The following RAB38 variants were observed in gnomAD, a reference collection of about 807,000 sequenced individuals.
RAB38 encodes the protein RAB38, member RAS oncogene family, also known as ras-related protein Rab-38.
A neutral mutation model predicts 18.4 loss-of-function variants in RAB38; 15 were observed. That is an observed-to-expected ratio of 0.82 (90% CI 0.55 to 1.26). The LOEUF is 1.26. Among genes scored for constraint, RAB38 ranks in the 50% most tolerant of loss-of-function variants. RAB38 has a pLI of 0.00. For missense variants in RAB38, 294 were observed against 267.4 expected, an observed-to-expected ratio of 1.10 and a Z score of -0.69; for synonymous variants, 101 against 104.4, an observed-to-expected ratio of 0.97 and a Z score of 0.20.
At chr11:88,012,664 C>G in the RAB38 span, among the ~76,000 whole-genome samples, 1 of 151,982 alleles carries the variant, frequency 6.6e-6, no homozygotes, top group Non-Finnish European at 1.5e-5. Flanking sequence ...CAAATTACAA[C>G]CAACCAGGTA....
the RAB38 span, among the ~76,000 whole-genome samples, chr11:88,008,813 A>G: frequency 2.0e-5 from 3 of 152,222 alleles, no homozygotes; most frequent in African/African-American, 7.2e-5. Context: ...AGCTGGGACT[A>G]CAGGCACCTG....
the RAB38 span, among the ~76,000 whole-genome samples, chr11:87,852,947 A>T: frequency 7.1e-6 from 1 of 141,210 alleles, no homozygotes; most frequent in Non-Finnish European, 1.5e-5. Context: ...CTTAACATCT[A>T]TCTTGCATAT....
intron 2 of RAB38, among the ~76,000 whole-genome samples, chr11:88,122,097 T>A (rs896132319): frequency 6.6e-6 from 1 of 152,204 alleles, no homozygotes; most frequent in Non-Finnish European, 1.5e-5. Flanking sequence ...CTGAAAATAA[T>A]CTGAGTTCAA....
At chr11:88,158,293 C>T (rs1269951575) in intron 1 of RAB38, among the ~76,000 whole-genome samples, 2 of 151,954 alleles carry the variant, frequency 1.3e-5, no homozygotes, top group Non-Finnish European at 2.9e-5. Flanking sequence ...AATAAAGAAA[C>T]CTACCAACCA....
chr11:87,860,816 C>T, the RAB38 span, among the ~76,000 whole-genome samples: 1 of 151,728 alleles, frequency 6.6e-6, no homozygotes, highest in African/African-American at 2.4e-5. Context: ...CAAGTCAGAG[C>T]TGTTTCCATA....
chr11:88,039,466 C>G, the RAB38 span, among the ~76,000 whole-genome samples: 4 of 151,902 alleles, frequency 2.6e-5, no homozygotes, highest in African/African-American at 9.7e-5. Flanking sequence ...CACCTAATAC[C>G]CTGGATAAGC....
the RAB38 span, among the ~76,000 whole-genome samples, chr11:88,003,526 G>A: frequency 0.4 from 271 of 670 alleles, 86 homozygotes; most frequent in Non-Finnish European, 0.46. Flanking sequence ...ATTATATATT[G>A]TATAATAGAT....
the RAB38 span, among the ~76,000 whole-genome samples, chr11:87,883,819 A>G: frequency 6.6e-6 from 1 of 151,962 alleles, no homozygotes; most frequent in Admixed American, 6.6e-5. Context: ...AGACGCTGAG[A>G]AAGTCAAGAG....
At chr11:88,063,666 TG>T in the RAB38 span, among the ~76,000 whole-genome samples, 1 of 152,158 alleles carries the variant, frequency 6.6e-6, no homozygotes, top group East Asian at 1.9e-4. Flanking sequence ...AATTGAATCA[TG>T]GGGGCGGTTT....
At chr11:88,019,871 T>C in the RAB38 span, among the ~76,000 whole-genome samples, 1 of 152,334 alleles carries the variant, frequency 6.6e-6, no homozygotes, top group East Asian at 1.9e-4. Flanking sequence ...GTCCTAGAAT[T>C]ATCCATATGA....
the RAB38 span, among the ~76,000 whole-genome samples, chr11:87,888,053 A>G: frequency 1.3e-5 from 2 of 151,724 alleles, no homozygotes; most frequent in East Asian, 3.9e-4. Flanking sequence ...TGTTCTGTAT[A>G]TTTTAGTGGT....
the RAB38 span, among the ~76,000 whole-genome samples, chr11:88,064,346 A>G: frequency 2.0e-5 from 3 of 152,242 alleles, no homozygotes; most frequent in Non-Finnish European, 4.4e-5. Context: ...AGTTGAAACC[A>G]TATTTCTGGC....
chr11:88,139,423 C>A lies in RAB38; in HGVS notation c.483+10252G>T, dbSNP rs151144357. ...GCTTTTTCTTCAGCTGCTCTCACTG[C>A]TCTTGTAAAAGCCATCAAATTATCT... On this transcript the variant is annotated intron_variant, in intron 2 of 2. Coordinates refer to ENST00000243662, the MANE Select transcript of RAB38 (RefSeq NM_022337.3). 3.8e-3 allele frequency among the ~76,000 whole-genome samples: 574 copies of A among 152,278 alleles called. 7 individuals carry two copies. The highest frequency in any genetic ancestry group is 0.013 in the African/African-American group (532 of 41,554).
At chr11:88,055,895 G>A in the RAB38 span, among the ~76,000 whole-genome samples, 2 of 152,138 alleles carry the variant, frequency 1.3e-5, no homozygotes, top group Non-Finnish European at 2.9e-5. Flanking sequence ...AGGAGGCCCT[G>A]GTGATCTAAT....
the RAB38 span, among the ~76,000 whole-genome samples, chr11:87,904,069 C>T: frequency 5.6e-4 from 84 of 151,338 alleles, no homozygotes; most frequent in African/African-American, 1.8e-3. Context: ...TGTTAAAATG[C>T]TTTTTAAAGT....
chr11:88,080,833 TGGAAGGAA>T, the RAB38 span, among the ~76,000 whole-genome samples: 1 of 88,156 alleles, frequency 1.1e-5, no homozygotes, highest in African/African-American at 4.9e-5. Flanking sequence ...CAATTTAGCA[TGGAAGGAA>T]GGAAGGAAGG....
the RAB38 span, among the ~76,000 whole-genome samples, chr11:88,082,097 T>C: frequency 6.6e-6 from 1 of 151,690 alleles, no homozygotes; most frequent in Admixed American, 6.6e-5. Context: ...TTGCCAGGGA[T>C]TGGGATGAGA....
At chr11:88,131,417 T>G (rs1942766711) in intron 2 of RAB38, among the ~76,000 whole-genome samples, 1 of 152,240 alleles carries the variant, frequency 6.6e-6, no homozygotes, top group South Asian at 2.1e-4. Context: ...CAATATCTCC[T>G]CTTCCTTTTT....
At chr11:88,161,153 C>T (rs772736044) in intron 1 of RAB38, among the ~76,000 whole-genome samples, 33 of 152,038 alleles carry the variant, frequency 2.2e-4, no homozygotes, top group African/African-American at 6.8e-4. Flanking sequence ...TTTTTGGTTC[C>T]GACCACTTTT....
Sources: allele counts gnomAD v4.1 joint callset (sites outside exome capture counted in the v4.1 genomes callset), GRCh38; gene constraint gnomAD v4.1.1; transcripts MANE v1.5; gene names NCBI Gene and HGNC (gene_info 2026-07-23, HGNC 2026-07-21).